The following MYO16 variants were observed in gnomAD, a reference collection of about 807,000 sequenced individuals.
MYO16 encodes the protein myosin XVI, also known as unconventional myosin-XVI.
A neutral mutation model predicts 205.3 loss-of-function variants in MYO16; 94 were observed. The observed-to-expected ratio is 0.46, with a 90% CI of 0.39 to 0.54. The LOEUF (loss-of-function observed/expected upper bound fraction) is 0.54. MYO16 is among the 20% of genes least tolerant of loss of function. The pLI is 0.00. For missense variants in MYO16, 2,315 were observed against 2,387.5 expected (o/e 0.97, Z 0.63); for synonymous variants, 988 against 954.0 (o/e 1.04, Z -0.66).
At chr13:109,119,954 C>T (rs886383996) in intron 28 of MYO16, among the ~76,000 whole-genome samples, 18 of 152,120 alleles carry the variant, frequency 1.2e-4, no homozygotes, top group East Asian at 7.7e-4. Flanking sequence ...CTTTATGTTT[C>T]GTTTGGTCTT....
In MYO16 at chr13:108,762,931, C is replaced by T. The variant is rs536305238; in HGVS notation, c.508-22704C>T. Reference sequence around the variant, plus strand: ...TCAAATTTACCTGCTTTTCAAAAGTCCCAACTTCTGGATTAACATAAACAC... The same window carrying T: ...TCAAATTTACCTGCTTTTCAAAAGTTCCAACTTCTGGATTAACATAAACAC... On this transcript the variant is annotated intron_variant, in intron 4 of 34. Transcript: ENST00000457511. Among the ~76,000 whole-genome samples, 24 of 147,160 alleles carry T rather than the reference C, an allele frequency of 1.6e-4. No individual in the cohort carries two copies. The South Asian group carries it at 4.9e-3, about 30-fold the overall frequency.
intron 2 of MYO16, among the ~76,000 whole-genome samples, chr13:108,681,305 G>C (rs1254415068): frequency 6.6e-6 from 1 of 152,156 alleles, no homozygotes; most frequent in Non-Finnish European, 1.5e-5. Flanking sequence ...CTCCACTAAG[G>C]AGTTTCAGTA....
chr13:109,067,014 C>T (rs923555752), intron 27 of MYO16, among the ~76,000 whole-genome samples: 1 of 152,192 alleles, frequency 6.6e-6, no homozygotes, highest in African/African-American at 2.4e-5. Context: ...TTTCTTCATT[C>T]CTTATTTGCT....
intron 2 of MYO16, among the ~76,000 whole-genome samples, chr13:108,666,551 G>A (rs1881741428): frequency 6.6e-6 from 1 of 151,990 alleles, no homozygotes; most frequent in African/African-American, 2.4e-5. Context: ...TCGAACTCCA[G>A]AGCTCGAGCA....
At chr13:108,601,602 G>A (rs9555487) in intron 1 of MYO16, among the ~76,000 whole-genome samples, 37,973 of 151,766 alleles carry the variant, frequency 0.25, 4,970 homozygotes, top group East Asian at 0.39. Flanking sequence ...GGGTATATGA[G>A]GAGGCTGTGT....
chr13:109,152,732 C>T (rs540470981), intron 32 of MYO16, among the ~76,000 whole-genome samples: 1 of 152,138 alleles, frequency 6.6e-6, no homozygotes, highest in Non-Finnish European at 1.5e-5. Flanking sequence ...GAAAACTACC[C>T]TATGGCATGC....
intron 4 of MYO16, among the ~76,000 whole-genome samples, chr13:108,738,706 C>T (rs1226109073): frequency 6.6e-6 from 1 of 152,130 alleles, no homozygotes; most frequent in Non-Finnish European, 1.5e-5. Flanking sequence ...AACTTTCTGT[C>T]TCGTTGATCT....
At chr13:108,763,089 C>A (rs1014382067) in intron 4 of MYO16, among the ~76,000 whole-genome samples, 1 of 152,116 alleles carries the variant, frequency 6.6e-6, no homozygotes, top group African/African-American at 2.4e-5. Context: ...GATATGAATT[C>A]TTTAATTTGT....
the MYO16 span, among the ~76,000 whole-genome samples, chr13:108,575,481 A>G: frequency 6.6e-6 from 1 of 152,088 alleles, no homozygotes; most frequent in East Asian, 1.9e-4. Flanking sequence ...CCTGAGCCCC[A>G]GCACCCATTA....
chr13:109,092,202 G>C (rs157037), intron 27 of MYO16, among the ~76,000 whole-genome samples: 119,226 of 152,116 alleles, frequency 0.78, 46,894 homozygotes, highest in Middle Eastern at 0.87. Flanking sequence ...TTCAGAGAAA[G>C]TGCATCTGAG....
chr13:108,946,442 A>T (rs1468188613), intron 16 of MYO16, among the ~76,000 whole-genome samples: 1 of 152,166 alleles, frequency 6.6e-6, no homozygotes, highest in Non-Finnish European at 1.5e-5. Flanking sequence ...ATTGGGTAAA[A>T]ATGTAACCAA....
intron 1 of MYO16, among the ~76,000 whole-genome samples, chr13:108,609,507 T>C (rs1879093012): frequency 6.6e-6 from 1 of 152,128 alleles, no homozygotes; most frequent in South Asian, 2.1e-4. Flanking sequence ...GAAGGAACAA[T>C]TTTGAAGTCA....
rs1448868717 is a variant in MYO16, at chr13:109,022,307, T to C, written c.2796+2396T>C. 1.9e-4 allele frequency among the ~76,000 whole-genome samples: 4 copies of C among 21,472 alleles called. No homozygotes were observed. In the South Asian group the frequency reaches 4.7e-3, roughly 25 times the overall value. 14.1% of individuals were successfully genotyped at this position (21,472 alleles called of 152,430 possible). ...TACAAATATAATATACAAATATATA[T>C]TTATATATTATATACAAATATATAT... is the stretch of plus-strand genomic sequence containing the variant. On this transcript the variant is annotated intron_variant, in intron 23 of 34. Coordinates refer to ENST00000457511, the MANE Select transcript of MYO16 (RefSeq NM_001198950.3).
At chr13:108,993,842 G>C (rs1884918738) in intron 21 of MYO16, among the ~76,000 whole-genome samples, 2 of 152,132 alleles carry the variant, frequency 1.3e-5, no homozygotes, top group Admixed American at 1.3e-4. Context: ...TCTGGCATCA[G>C]TAGAGATTCC....
intron 32 of MYO16, among the ~76,000 whole-genome samples, chr13:109,147,274 G>C (rs1410506596): frequency 6.6e-6 from 1 of 152,010 alleles, no homozygotes; most frequent in African/African-American, 2.4e-5. Flanking sequence ...ATATCATATG[G>C]GTTTCAGATG....
chr13:108,638,043 C>T (rs966968543), intron 1 of MYO16, among the ~76,000 whole-genome samples: 10 of 152,086 alleles, frequency 6.6e-5, no homozygotes, highest in East Asian at 3.9e-4. Context: ...AGGTGTTTAA[C>T]GAACTACTGA....
intron 15 of MYO16, among the ~76,000 whole-genome samples, chr13:108,904,437 G>A (rs1195759137): frequency 3.3e-5 from 5 of 152,038 alleles, no homozygotes; most frequent in Non-Finnish European, 1.5e-5. Flanking sequence ...TTTGAGACTC[G>A]AGGTAATTTG....
chr13:108,607,845 A>G (rs1263997806), intron 1 of MYO16, among the ~76,000 whole-genome samples: 1 of 152,086 alleles, frequency 6.6e-6, no homozygotes, highest in Non-Finnish European at 1.5e-5. Context: ...GTCACCCTCT[A>G]CAGTCCTTCC....
chr13:108,954,593 T>A (rs80135008), intron 16 of MYO16, among the ~76,000 whole-genome samples: 6,157 of 151,938 alleles, frequency 0.041, 123 homozygotes, highest in Non-Finnish European at 0.048. Flanking sequence ...ATACAAAGAA[T>A]TAGCCAGGCG....
Sources: gnomAD v4.1 joint callset for allele counts (sites outside exome capture counted in the v4.1 genomes callset) on GRCh38, gnomAD v4.1.1 for gene constraint, MANE v1.5 for transcripts, NCBI Gene and HGNC (gene_info 2026-07-23, HGNC 2026-07-21) for gene names.